TDRD3: variants seen among roughly 807,000 people sequenced by gnomAD.
TDRD3 encodes the protein tudor domain containing 3.
In TDRD3, 45 loss-of-function variants were observed where a neutral mutation model predicts 86.7. That is an observed-to-expected ratio of 0.52 (90% confidence interval 0.41 to 0.67). The LOEUF (loss-of-function observed/expected upper bound fraction) is 0.67, where lower values mean the gene tolerates loss of function less well. Ranked by LOEUF, TDRD3 falls within the 30% of genes least tolerant of loss-of-function variation. The pLI, the probability that TDRD3 is intolerant of heterozygous loss-of-function variation, is 0.00. For missense variants in TDRD3, 814 were observed against 889.0 expected (o/e 0.92, Z 1.07); for synonymous variants, 298 against 301.7 (o/e 0.99, Z 0.13).
intron 1 of TDRD3, among the ~76,000 whole-genome samples, chr13:60,397,642 G>A (rs1263451928): frequency 6.9e-6 from 1 of 145,978 alleles, no homozygotes; most frequent in Non-Finnish European, 1.5e-5. Flanking sequence ...GGCGGGCCTG[G>A]GCCCCGGGCG....
chr13:60,501,139 A>G (rs1329024057), intron 8 of TDRD3, among the ~76,000 whole-genome samples: 1 of 152,146 alleles, frequency 6.6e-6, no homozygotes, highest in African/African-American at 2.4e-5. Flanking sequence ...TGGAATAGCC[A>G]CTCACTATCT....
intron 7 of TDRD3, among the ~76,000 whole-genome samples, chr13:60,493,321 C>T (rs970385138): frequency 6.6e-6 from 1 of 152,048 alleles, no homozygotes; most frequent in Non-Finnish European, 1.5e-5. Context: ...GTCATTGTCT[C>T]TAATAAAAAT....
At chr13:60,499,714 G>A (rs563431948) in intron 8 of TDRD3, among the ~76,000 whole-genome samples, 1 of 152,310 alleles carries the variant, frequency 6.6e-6, no homozygotes, top group East Asian at 1.9e-4. Context: ...AAATTTCTAG[G>A]GGTCCAGTGG....
At position 60,510,701 on chromosome 13, in the gene TDRD3, C is replaced by T; in HGVS notation, c.1087C>T (p.Pro363Ser). Reference sequence around the variant, plus strand: ...CCTGGGAAATGCAAGGCCATCAGCACCAAGCACATTATTTGATTTCTTGGA... The same window carrying T: ...CCTGGGAAATGCAAGGCCATCAGCATCAAGCACATTATTTGATTTCTTGGA... ...EDLGNARPSAPSTLFDFLESK... is the reference protein window; with the variant it reads ...EDLGNARPSASSTLFDFLESK... Residue 363 changes from proline to serine, a missense_variant, in exon 10 of 14, where the codon CCA becomes TCA. Pro to Ser is a moderately conservative substitution (Grantham distance 74, BLOSUM62 -1). Transcript: ENST00000377881. 1 of 1,601,628 alleles carries T rather than the reference C, an allele frequency of 6.2e-7. No individual in the cohort carries two copies. The highest frequency in any genetic ancestry group is 1.1e-5 in the South Asian group (1 of 88,066).
At chr13:60,509,311 A>C (rs562217091) in intron 8 of TDRD3, among the ~76,000 whole-genome samples, 1 of 108,244 alleles carries the variant, frequency 9.2e-6, no homozygotes, top group East Asian at 2.0e-4. Flanking sequence ...GTACTAGTTT[A>C]AAAAAAAAAG....
chr13:60,489,369 C>G (rs2137533458), intron 7 of TDRD3, among the ~76,000 whole-genome samples: 1 of 152,266 alleles, frequency 6.6e-6, no homozygotes, highest in East Asian at 1.9e-4. Context: ...TAGCTTACAA[C>G]TGCTTTCCTA....
At chr13:60,401,061 A>G (rs553574453) in intron 1 of TDRD3, among the ~76,000 whole-genome samples, 15 of 152,144 alleles carry the variant, frequency 9.9e-5, no homozygotes, top group Non-Finnish European at 7.4e-5. Flanking sequence ...CTGAGGGGTG[A>G]TCCTATTAGA....
intron 10 of TDRD3, among the ~76,000 whole-genome samples, chr13:60,518,451 A>T (rs1053453814): frequency 6.6e-6 from 1 of 152,138 alleles, no homozygotes; most frequent in Non-Finnish European, 1.5e-5. Context: ...AGTTTGAGTA[A>T]TGGTTTGTTA....
At chr13:60,512,064 A>T (rs1317833659) in intron 10 of TDRD3, among the ~76,000 whole-genome samples, 2 of 152,082 alleles carry the variant, frequency 1.3e-5, no homozygotes, top group African/African-American at 4.8e-5. Context: ...TATACCTGAG[A>T]CTAGGTAACT....
chr13:60,560,031 CT>C (rs1770479578), intron 12 of TDRD3, among the ~76,000 whole-genome samples: 1 of 152,096 alleles, frequency 6.6e-6, no homozygotes, highest in South Asian at 2.1e-4. Flanking sequence ...TCCTGTGTGT[CT>C]ATACCTCAAT....
chr13:60,400,798 G>C (rs1243609716), intron 1 of TDRD3, among the ~76,000 whole-genome samples: 1 of 151,218 alleles, frequency 6.6e-6, no homozygotes, highest in East Asian at 1.9e-4. Context: ...CTCTCTCTCT[G>C]TGCATATGAA....
chr13:60,430,672 A>G (rs545494173), intron 1 of TDRD3, among the ~76,000 whole-genome samples: 1 of 152,240 alleles, frequency 6.6e-6, no homozygotes, highest in Non-Finnish European at 1.5e-5. Flanking sequence ...TATACTATGT[A>G]ATATATCAAT....
rs113970283 is a variant in TDRD3, at chr13:60,445,153, TAGG to T, written c.192+408_192+410del. Among the ~76,000 whole-genome samples, 518 of 152,332 alleles carry T rather than the reference TAGG, an allele frequency of 3.4e-3. 4 individuals are homozygous for T. Among genetic ancestry groups the T allele is most frequent in the African/African-American group, 0.012 (490 of 41,586 alleles). On this transcript the variant is annotated intron_variant, in intron 3 of 13. Transcript: ENST00000377881. The stretch of plus-strand genomic sequence containing the variant: ...TACAAATATAAGATTATGAAAGTAT[TAGG>T]AGCAAGTTGGTGAAGCTGTGCATTT...
intron 11 of TDRD3, among the ~76,000 whole-genome samples, chr13:60,531,935 T>C (rs1178185913): frequency 6.6e-6 from 1 of 152,144 alleles, no homozygotes; most frequent in African/African-American, 2.4e-5. Flanking sequence ...CAAATATTAA[T>C]CTAATATTCA....
rs565196418 is a variant in TDRD3 at position 60,432,776 on chromosome 13, C to A, written c.42-6912C>A. Among the ~76,000 whole-genome samples the A allele has an allele frequency of 1.9e-4, 29 of 151,934 alleles. No homozygotes were observed. The Middle Eastern group carries it at 0.014, about 71-fold the overall frequency. ...TTTAAATTATCTTTTATGTTTTTTC[C>A]CTCTCTTGTCCCACCTTAGCTTGGG... On this transcript the variant is annotated intron_variant, in intron 1 of 13. Transcript: ENST00000377881.
chr13:60,403,880 C>T (rs1353061784), intron 1 of TDRD3, among the ~76,000 whole-genome samples: 1 of 152,146 alleles, frequency 6.6e-6, no homozygotes, highest in Non-Finnish European at 1.5e-5. Flanking sequence ...ATAAGTAAGG[C>T]ATATACAGAG....
chr13:60,548,623 T>C (rs556020232), intron 12 of TDRD3, among the ~76,000 whole-genome samples: 17 of 152,190 alleles, frequency 1.1e-4, no homozygotes, highest in Non-Finnish European at 2.5e-4. Flanking sequence ...CTTGCTGAAG[T>C]AGCAGTGTCA....
intron 4 of TDRD3, among the ~76,000 whole-genome samples, chr13:60,462,501 A>G (rs985728049): frequency 1.3e-5 from 2 of 152,206 alleles, no homozygotes; most frequent in Non-Finnish European, 2.9e-5. Context: ...AATTTGGAAG[A>G]CATTATACAA....
chr13:60,522,556 G>T (rs1277547959), intron 10 of TDRD3, among the ~76,000 whole-genome samples: 3 of 152,194 alleles, frequency 2.0e-5, no homozygotes, highest in African/African-American at 7.2e-5. Context: ...ATGAGGCTCA[G>T]AAAAGTTAAA....
Sources: gnomAD v4.1 joint callset for allele counts (sites outside exome capture counted in the v4.1 genomes callset) on GRCh38, gnomAD v4.1.1 for gene constraint, MANE v1.5 for transcripts, NCBI Gene and HGNC (gene_info 2026-07-23, HGNC 2026-07-21) for gene names.